OSCP1: variants seen among roughly 807,000 people sequenced by gnomAD.
OSCP1 encodes protein OSCP1.
OSCP1 carries 35 observed loss-of-function variants against 45.1 expected under a neutral mutation model. That is an observed-to-expected ratio of 0.78 (90% CI 0.59 to 1.03). The LOEUF is 1.03. OSCP1 is among the 50% of genes least tolerant of loss of function. OSCP1 has a pLI of 0.00. For missense variants in OSCP1, 400 were observed against 470.7 expected (o/e 0.85, Z 1.39); for synonymous variants, 179 against 180.1 (o/e 0.99, Z 0.05).
At chr1:36,419,709 C>G (rs1342880735) in intron 8 of OSCP1, among the ~76,000 whole-genome samples, 1 of 152,196 alleles carries the variant, frequency 6.6e-6, no homozygotes, top group Non-Finnish European at 1.5e-5. Context: ...TCCAACCTCA[C>G]TCTGGTTTCT....
Position 36,425,338 on chromosome 1 carries a change from C to A in OSCP1, c.517-1872G>T, listed in dbSNP as rs112571150. Reference sequence around the variant, plus strand: ...CTGGGTTTTTGGGAAATTACACAACCTTTCTGTGCATCAGTTTTCCCTTTG... The same window carrying A: ...CTGGGTTTTTGGGAAATTACACAACATTTCTGTGCATCAGTTTTCCCTTTG... On this transcript the variant is annotated intron_variant, in intron 4 of 9. Coordinates refer to ENST00000235532, the MANE Select transcript of OSCP1 (RefSeq NM_145047.5). Among the ~76,000 whole-genome samples, 1,122 of 152,252 alleles carry A rather than the reference C, an allele frequency of 7.4e-3. 14 individuals are homozygous for A. The highest frequency in any genetic ancestry group is 0.025 in the African/African-American group (1,053 of 41,560).
At chr1:36,446,104 C>T (rs1406511106) in intron 1 of OSCP1, among the ~76,000 whole-genome samples, 2 of 152,038 alleles carry the variant, frequency 1.3e-5, no homozygotes, top group African/African-American at 2.4e-5. Flanking sequence ...CTCACTGCAA[C>T]CTCTGCCTCC....
intron 1 of OSCP1, among the ~76,000 whole-genome samples, chr1:36,449,295 C>T (rs1326192896): frequency 6.6e-6 from 1 of 152,152 alleles, no homozygotes; most frequent in Non-Finnish European, 1.5e-5. Flanking sequence ...GCAGAGTGTT[C>T]TGAGTCGTCA....
intron 8 of OSCP1, 84 bp from the exon 9 acceptor site, chr1:36,419,138 A>G: frequency 7.9e-7 from 1 of 1,270,454 alleles, no homozygotes; most frequent in Admixed American, 1.7e-5. Flanking sequence ...ATCAGTTGGC[A>G]ACCTATTTTT....
chr1:36,438,943 A>G (rs749427101), intron 1 of OSCP1, 33 bp from the exon 2 acceptor site: 1 of 1,607,154 alleles, frequency 6.2e-7, no homozygotes, highest in East Asian at 2.2e-5. Context: ...AGCTGAGCAA[A>G]GTACTGAAGC....
intron 1 of OSCP1, among the ~76,000 whole-genome samples, chr1:36,441,933 A>T (rs768415756): frequency 7.9e-5 from 12 of 151,744 alleles, no homozygotes; most frequent in Non-Finnish European, 1.8e-4. Flanking sequence ...TTCAATAGGA[A>T]GAGGCTAAGG....
At chr1:36,418,753 C>T (rs573995887) in intron 9 of OSCP1, among the ~76,000 whole-genome samples, 1 of 119,722 alleles carries the variant, frequency 8.4e-6, no homozygotes, top group South Asian at 3.4e-4. Context: ...CCCACCTCTA[C>T]TAAAAATACA....
At chr1:36,438,699 C>A (rs891624992) in intron 2 of OSCP1, 57 bp downstream of exon 2, 2 of 1,548,982 alleles carry the variant, frequency 1.3e-6, no homozygotes, top group South Asian at 1.2e-5. Flanking sequence ...AGTCTATGAT[C>A]ATCCACAAAA....
chr1:36,428,698 A>C (rs1648144624), intron 4 of OSCP1, among the ~76,000 whole-genome samples: 1 of 152,194 alleles, frequency 6.6e-6, no homozygotes, highest in African/African-American at 2.4e-5. Flanking sequence ...TAATCCCAGC[A>C]CTTTGGGAGG....
Position 36,422,204 on chromosome 1 carries a change from C to T in OSCP1, c.765G>A (p.Gln255=), listed in dbSNP as rs777839402. ...ATCCAGACACATGAGTTTCCACAGG[C>T]TGATTCACGCTGTACCTGGTGTGTC... ...KLGTNMYSVN[Q]PVETHVSGSS... Residue 255 remains glutamine, a synonymous_variant, in exon 7 of 10, where the codon CAG becomes CAA. Transcript: ENST00000235532. The T allele has an allele frequency of 1.9e-6, 3 of 1,614,170 alleles. No individual in the cohort carries two copies. The highest frequency in any genetic ancestry group is 1.7e-6 in the Non-Finnish European group (2 of 1,180,006).
intron 2 of OSCP1, among the ~76,000 whole-genome samples, chr1:36,434,933 G>A (rs564504511): frequency 3.4e-4 from 51 of 151,816 alleles, no homozygotes; most frequent in Non-Finnish European, 5.6e-4. Flanking sequence ...ATAAAAACAG[G>A]TATAAGATGA....
intron 9 of OSCP1, chr1:36,418,505 G>C: frequency 1.8e-6 from 1 of 541,236 alleles, no homozygotes; most frequent in Non-Finnish European, 3.3e-6. Context: ...GTATAGTTAA[G>C]AAACAACTTT....
At chr1:36,429,535 A>ATTTTTTCTTTTT (rs1648211222) in intron 4 of OSCP1, among the ~76,000 whole-genome samples, 1 of 100,286 alleles carries the variant, frequency 1.0e-5, no homozygotes, top group Non-Finnish European at 1.9e-5. Context: ...GAAGCTTAGA[A>ATTTTTTCTTTTT]TTTTTTTTTT....
intron 4 of OSCP1, among the ~76,000 whole-genome samples, chr1:36,430,694 G>A (rs955893527): frequency 1.3e-5 from 2 of 152,160 alleles, no homozygotes; most frequent in Admixed American, 6.5e-5. Context: ...TCCCTCTGTC[G>A]CCCAAGCTGG....
intron 8 of OSCP1, among the ~76,000 whole-genome samples, chr1:36,419,910 T>A (rs1647504981): frequency 1.3e-5 from 2 of 152,074 alleles, no homozygotes; most frequent in Non-Finnish European, 2.9e-5. Flanking sequence ...ATTCCTGGGC[T>A]CAGACGATCC....
At chr1:36,422,687 G>A (rs1299202541) in intron 6 of OSCP1, 81 bp downstream of exon 6, 6 of 1,319,442 alleles carry the variant, frequency 4.5e-6, no homozygotes, top group East Asian at 5.0e-5. Context: ...CATAGCAGAA[G>A]TCTGGCTGTT....
At chr1:36,446,431 A>AG (rs908169302) in intron 1 of OSCP1, among the ~76,000 whole-genome samples, 3 of 152,186 alleles carry the variant, frequency 2.0e-5, no homozygotes, top group African/African-American at 7.2e-5. Context: ...TGGTGCTGCA[A>AG]GGGGGTCATC....
rs1288403761 is a variant in OSCP1 at position 36,423,369 on chromosome 1, A to T, written c.614T>A (p.Leu205His). The change falls in exon 5 of 10, where the codon CTC (leucine) becomes CAC (histidine). Residue 205 changes from leucine (L) to histidine (H), a missense_variant. Leu to His is a moderately conservative substitution (Grantham distance 99). Transcript: ENST00000235532. ...PVPWGTEVPG[L>H]IRMFNNKGEE... ...ATCATTGTTGGGAATTCACCTGATG[A>T]GTCCTGGAACTTCAGTTCCCCAAGG... 1 of 1,604,534 alleles carries T rather than the reference A, an allele frequency of 6.2e-7. No individual in the cohort carries two copies. Among genetic ancestry groups the T allele is most frequent in the Non-Finnish European group, 8.5e-7 (1 of 1,171,340 alleles).
intron 2 of OSCP1, among the ~76,000 whole-genome samples, chr1:36,434,310 A>G (rs1648568017): frequency 6.6e-6 from 1 of 152,174 alleles, no homozygotes; most frequent in Non-Finnish European, 1.5e-5. Context: ...TAATGAGGAA[A>G]CTTGCCTAAT....
Sources: gnomAD v4.1 joint callset for allele counts (sites outside exome capture counted in the v4.1 genomes callset) on GRCh38, gnomAD v4.1.1 for gene constraint, MANE v1.5 for transcripts, NCBI Gene and HGNC (gene_info 2026-07-23, HGNC 2026-07-21) for gene names.